Variants in DNAJC2 observed in about 807,000 individuals in gnomAD.
DNAJC2 encodes DnaJ heat shock protein family (Hsp40) member C2.
DNAJC2 carries 32 observed loss-of-function variants against 94.0 expected under a neutral mutation model. That is an observed-to-expected ratio of 0.34 (90% CI 0.26 to 0.46). The LOEUF (loss-of-function observed/expected upper bound fraction) is 0.46. Ranked by LOEUF, DNAJC2 falls within the 20% of genes least tolerant of loss-of-function variation. The probability of loss-of-function intolerance (pLI) is 1.00; values close to 1 mark genes in which losing one functional copy is unlikely to be tolerated. For synonymous variants in DNAJC2, 210 were observed against 229.7 expected (o/e 0.91, Z 0.77); for missense variants, 550 against 719.5 (o/e 0.76, Z 2.69).
intron 10 of DNAJC2, among the ~76,000 whole-genome samples, chr7:103,320,619 G>T (rs1818334458): frequency 6.6e-6 from 1 of 150,680 alleles, no homozygotes; most frequent in South Asian, 2.1e-4. Flanking sequence ...AATTAGCCGG[G>T]CGTGGTCCCA....
intron 3 of DNAJC2, among the ~76,000 whole-genome samples, chr7:103,331,164 C>T (rs752850254): frequency 5.3e-5 from 8 of 151,996 alleles, no homozygotes; most frequent in Non-Finnish European, 8.8e-5. Flanking sequence ...GCCATGTTGG[C>T]CAGGCTTGGT....
At position 103,344,685 on chromosome 7, in the gene DNAJC2, G is replaced by A. The variant is rs936605821; in HGVS notation, c.-63C>T. 53 of 1,553,462 alleles carry A rather than the reference G, an allele frequency of 3.4e-5. 1 individual carries two copies. Among genetic ancestry groups the A allele is most frequent in the Non-Finnish European group, 4.7e-5 (53 of 1,139,478 alleles). Reference sequence around the variant, plus strand: ...ACGTCCCGGGCGGAGGGCGCTTAGGGTCCCCTCCAGCTCTACCTCTCACTC... The same window carrying A: ...ACGTCCCGGGCGGAGGGCGCTTAGGATCCCCTCCAGCTCTACCTCTCACTC... On this transcript the variant is annotated 5_prime_UTR_variant, in exon 1 of 17. Coordinates refer to ENST00000379263, the MANE Select transcript of DNAJC2 (RefSeq NM_014377.3).
Position 103,337,799 on chromosome 7 carries a change from A to C in DNAJC2, c.268T>G (p.Tyr90Asp). The change falls in exon 3 of 17, where the codon TAT (tyrosine) becomes GAT (aspartate). Residue 90 changes from tyrosine to aspartate, a missense_variant. Transcript: ENST00000379263. ...DPKDWKNQDH[Y>D]AVLGLGHVRY... ...ACATGGCCAAGTCCAAGAACTGCAT[A>C]ATGATCTTGGTTCTGGAAAAAAAAC... 1 of 1,613,446 alleles carries C rather than the reference A, an allele frequency of 6.2e-7. No individual in the cohort carries two copies. The highest frequency in any genetic ancestry group is 1.7e-5 in the Admixed American group (1 of 59,946).
chr7:103,332,161 C>T (rs996446215), intron 3 of DNAJC2, among the ~76,000 whole-genome samples: 2 of 151,978 alleles, frequency 1.3e-5, no homozygotes, highest in African/African-American at 4.8e-5. Flanking sequence ...CCCGCCACCA[C>T]GCCTGCCTAA....
chr7:103,324,214 G>A (rs529775369), intron 6 of DNAJC2, among the ~76,000 whole-genome samples: 1 of 152,244 alleles, frequency 6.6e-6, no homozygotes, highest in South Asian at 2.1e-4. Context: ...AGTACTTTTA[G>A]TAGGAAGTAA....
chr7:103,314,448 A>T (rs1296740765), intron 15 of DNAJC2: 1 of 985,292 alleles, frequency 1.0e-6, no homozygotes, highest in Admixed American at 6.1e-5. Flanking sequence ...TCTTGCCTTC[A>T]CAGGGTCACC....
chr7:103,324,701 A>G (rs1207783265), intron 5 of DNAJC2, 139 bp from the exon 6 acceptor site: 1 of 880,384 alleles, frequency 1.1e-6, no homozygotes, highest in Non-Finnish European at 1.6e-6. Flanking sequence ...CAACTCGAAG[A>G]TGGAGCTGGA....
rs1818492950 is a variant in DNAJC2 at position 103,322,805 on chromosome 7, G to C, written c.720-11C>G. The C allele has an allele frequency of 6.3e-7, 1 of 1,588,046 alleles. No individual in the cohort carries two copies. Among genetic ancestry groups the C allele is most frequent in the African/African-American group, 1.3e-5 (1 of 74,538 alleles). ...CTCCTCTCATCACGACTATAAAATAGAAAATATTGGAAACAAACTACTGCT... is the reference window on the plus strand; with the variant it reads ...CTCCTCTCATCACGACTATAAAATACAAAATATTGGAAACAAACTACTGCT... On this transcript the variant is annotated splice_polypyrimidine_tract_variant and intron_variant, in intron 7 of 16. Transcript: ENST00000379263.
At chr7:103,313,461 T>TA in intron 15 of DNAJC2, 2 of 985,008 alleles carry the variant, frequency 2.0e-6, no homozygotes, top group Non-Finnish European at 2.4e-6. Context: ...CACAATTCAT[T>TA]AAGAGTTCTG....
Position 103,324,528 on chromosome 7 carries a change from C to T in DNAJC2, c.607G>A (p.Asp203Asn). The change falls in exon 6 of 17, where the codon GAT (aspartate) becomes AAT (asparagine). Residue 203 changes from aspartate to asparagine, a missense_variant. Physicochemically the swap from Asp to Asn is conservative, Grantham distance 23. Transcript: ENST00000379263. ...ACATCTTCAAATGATGAATTCATAT[C>T]ACCAAGTTTAGGAACATTTTTTTTA... ...SNKKNVPKLG[D>N]MNSSFEDVDI... is the part of the protein sequence containing the mutation. 6.7e-7 allele frequency: 1 copy of T among 1,492,028 alleles called. No homozygotes were observed. The highest frequency in any genetic ancestry group is 2.4e-5 in the East Asian group (1 of 41,128). The allele number at this position is 1,492,028 out of a possible 1,614,324, so 92.4% of individuals were successfully genotyped here.
chr7:103,327,322 G>C (rs1215547331), intron 4 of DNAJC2: 1 of 1,252,950 alleles, frequency 8.0e-7, no homozygotes. Flanking sequence ...TCATTAAATA[G>C]AACACTTACA....
intron 3 of DNAJC2, chr7:103,329,106 C>A: frequency 8.7e-6 from 5 of 577,096 alleles, no homozygotes; most frequent in African/African-American, 2.0e-5. Flanking sequence ...TGTTTTTCAT[C>A]CTTTAACTGG....
chr7:103,331,586 C>G (rs978595618), intron 3 of DNAJC2, among the ~76,000 whole-genome samples: 2 of 152,224 alleles, frequency 1.3e-5, no homozygotes, highest in Admixed American at 6.5e-5. Flanking sequence ...TAAGCTCCCA[C>G]TGTTCTCAAG....
Position 103,319,029 on chromosome 7 carries a change from C to G in DNAJC2, c.1242+580G>C, listed in dbSNP as rs571961205. 4.6e-5 allele frequency among the ~76,000 whole-genome samples: 7 copies of G among 152,108 alleles called. 1 individual carries two copies. Among genetic ancestry groups the G allele is most frequent in the African/African-American group, 1.7e-4 (7 of 41,500 alleles). Reference sequence around the variant, plus strand: ...GAGTTTGAGACCAGCCTGGCCAACACAGCGAAACCCTGTCTCTAGTAAAAA... The same window carrying G: ...GAGTTTGAGACCAGCCTGGCCAACAGAGCGAAACCCTGTCTCTAGTAAAAA... On this transcript the variant is annotated intron_variant, in intron 12 of 16. Coordinates refer to ENST00000379263, the MANE Select transcript of DNAJC2 (RefSeq NM_014377.3).
intron 3 of DNAJC2, among the ~76,000 whole-genome samples, chr7:103,334,598 G>A (rs911689110): frequency 6.7e-6 from 1 of 148,562 alleles, no homozygotes; most frequent in African/African-American, 2.5e-5. Flanking sequence ...AAGAAATCTT[G>A]AAAAAAAATT....
intron 15 of DNAJC2, 29 bp from the exon 16 acceptor site, chr7:103,313,130 C>T: frequency 6.3e-7 from 1 of 1,589,616 alleles, no homozygotes; most frequent in Non-Finnish European, 8.5e-7. Context: ...TATTTGAAAA[C>T]TGTCTTTGAA....
intron 13 of DNAJC2, 126 bp from the exon 14 acceptor site, chr7:103,316,214 C>G: frequency 2.0e-6 from 1 of 501,110 alleles, no homozygotes; most frequent in Non-Finnish European, 3.3e-6. Context: ...GATTGGTGGT[C>G]TAATTATGCT....
At chr7:103,343,140 T>C (rs1337889733) in intron 1 of DNAJC2, among the ~76,000 whole-genome samples, 2 of 151,338 alleles carry the variant, frequency 1.3e-5, no homozygotes, top group Admixed American at 6.6e-5. Context: ...GCTGGGATTA[T>C]AGGCGCCCGC....
intron 12 of DNAJC2, 130 bp downstream of exon 12, chr7:103,319,479 C>T: frequency 1.0e-6 from 1 of 959,250 alleles, no homozygotes. Flanking sequence ...ACAACAACAA[C>T]AAAACAGTGG....
Sources: allele counts gnomAD v4.1 joint callset (sites outside exome capture counted in the v4.1 genomes callset), GRCh38; gene constraint gnomAD v4.1.1; transcripts MANE v1.5; gene names NCBI Gene and HGNC (gene_info 2026-07-23, HGNC 2026-07-21).